The following MMP26 variants were observed in gnomAD, a reference collection of about 807,000 sequenced individuals.
MMP26 encodes matrix metalloproteinase-26.
Under a neutral mutation model 31.0 loss-of-function variants are expected in MMP26, and 33 were observed. The ratio of observed to expected loss-of-function variants is 1.06; its 90% CI spans 0.81 to 1.42. The LOEUF is 1.42. MMP26 is among the 40% of genes most tolerant of loss of function. The pLI is 0.00. For missense variants in MMP26, 347 were observed against 316.1 expected (o/e 1.10, Z -0.74); for synonymous variants, 122 against 114.9 (o/e 1.06, Z -0.40).
chr11:4,971,427 G>A (rs1400218949), intron 2 of MMP26, among the ~76,000 whole-genome samples: 1 of 152,094 alleles, frequency 6.6e-6, no homozygotes, highest in African/African-American at 2.4e-5. Flanking sequence ...AAACATTAAA[G>A]AAAAAATTAC....
At chr11:4,725,479 AG>A (rs200265773) in intron 1 of MMP26, among the ~76,000 whole-genome samples, 3,085 of 152,328 alleles carry the variant, frequency 0.02, 48 homozygotes, top group Non-Finnish European at 0.031. Flanking sequence ...AAGAACTGCC[AG>A]CTTTTGTTGT....
chr11:4,821,707 C>A (rs1280100112), intron 2 of MMP26: 2 of 1,613,898 alleles, frequency 1.2e-6, no homozygotes, highest in Non-Finnish European at 1.7e-6. Context: ...AGAAATCAAC[C>A]TAAATGCCTG....
chr11:4,859,669 G>A, intron 2 of MMP26: 1 of 469,358 alleles, frequency 2.1e-6, no homozygotes, highest in Admixed American at 2.4e-5. Flanking sequence ...AATTTGCTTG[G>A]TCTTCACACT....
chr11:4,784,308 A>G (rs1848905452), intron 2 of MMP26, among the ~76,000 whole-genome samples: 2 of 152,238 alleles, frequency 1.3e-5, no homozygotes, highest in South Asian at 4.1e-4. Context: ...CAAGTGCACA[A>G]GGAATCTGTA....
Position 4,953,946 on chromosome 11 carries a change from G to A in MMP26, c.-144-34122G>A, listed in dbSNP as rs115916471. Among the ~76,000 whole-genome samples, 854 of 125,436 alleles carry A rather than the reference G, an allele frequency of 6.8e-3. 170 individuals carry two copies. Among genetic ancestry groups the A allele is most frequent in the African/African-American group, 0.022 (828 of 36,838 alleles). 82.3% of individuals were successfully genotyped at this position (125,436 alleles called of 152,430 possible). On this transcript the variant is annotated intron_variant, in intron 2 of 7. Coordinates refer to ENST00000380390, the MANE Select transcript of MMP26 (RefSeq NM_021801.5). The stretch of plus-strand genomic sequence containing the variant: ...ATGCGCCTGTAATCCTAGATACTCG[G>A]GAGGCTGAGAGGCAAGAGAATCGCT...
At chr11:4,938,462 A>G (rs543759501) in intron 2 of MMP26, among the ~76,000 whole-genome samples, 1 of 152,118 alleles carries the variant, frequency 6.6e-6, no homozygotes, top group South Asian at 2.1e-4. Context: ...ACTGAAAAAA[A>G]AAAAAAGAAA....
intron 2 of MMP26, among the ~76,000 whole-genome samples, chr11:4,813,916 G>A (rs1028981643): frequency 2.0e-5 from 3 of 152,046 alleles, no homozygotes; most frequent in African/African-American, 7.2e-5. Context: ...CTGACAAAGA[G>A]AGCCCCGTAA....
chr11:4,802,147 A>G (rs1483081922), intron 2 of MMP26, among the ~76,000 whole-genome samples: 2 of 152,218 alleles, frequency 1.3e-5, no homozygotes, highest in Non-Finnish European at 2.9e-5. Flanking sequence ...TTTACTTACA[A>G]TCATGATAGA....
At chr11:4,716,901 G>T (rs553057789) in intron 1 of MMP26, among the ~76,000 whole-genome samples, 10 of 151,892 alleles carry the variant, frequency 6.6e-5, no homozygotes, top group Non-Finnish European at 1.0e-4. Context: ...GACCTCAGTT[G>T]ATCACCTGCC....
chr11:4,900,846 C>A (rs1850789731), intron 2 of MMP26, among the ~76,000 whole-genome samples: 1 of 152,142 alleles, frequency 6.6e-6, no homozygotes, highest in Non-Finnish European at 1.5e-5. Context: ...TTTGTGTATT[C>A]TTACATAGAA....
At chr11:4,976,424 G>T (rs761316285) in intron 2 of MMP26, among the ~76,000 whole-genome samples, 10 of 151,960 alleles carry the variant, frequency 6.6e-5, no homozygotes, top group Admixed American at 1.3e-4. Flanking sequence ...GCTTATTAAG[G>T]ATAAAATACC....
At chr11:4,760,951 T>C (rs1848563224) in intron 1 of MMP26, among the ~76,000 whole-genome samples, 1 of 152,252 alleles carries the variant, frequency 6.6e-6, no homozygotes, top group South Asian at 2.1e-4. Flanking sequence ...GTATAATTTT[T>C]GCTATGATTA....
intron 2 of MMP26, among the ~76,000 whole-genome samples, chr11:4,979,945 C>T (rs74054423): frequency 0.032 from 4,909 of 152,094 alleles, 284 homozygotes; most frequent in African/African-American, 0.11. Context: ...TATGTTAATT[C>T]TCATACCCTC....
At chr11:4,900,536 A>G (rs1850784931) in intron 2 of MMP26, among the ~76,000 whole-genome samples, 1 of 152,198 alleles carries the variant, frequency 6.6e-6, no homozygotes, top group Admixed American at 6.5e-5. Context: ...TCCTGCCACT[A>G]TAGCTACTTC....
chr11:4,767,163 T>A (rs887560343), intron 1 of MMP26, 107 bp from the exon 2 acceptor site: 1 of 152,202 alleles, frequency 6.6e-6, no homozygotes, highest in Non-Finnish European at 1.5e-5. Context: ...AAAGGGTTTG[T>A]GTTTCATAAT....
intron 2 of MMP26, among the ~76,000 whole-genome samples, chr11:4,897,208 C>T (rs1267014933): frequency 6.6e-6 from 1 of 152,038 alleles, no homozygotes. Flanking sequence ...GGCAGGATCT[C>T]GGCTCACTGC....
intron 1 of MMP26, among the ~76,000 whole-genome samples, chr11:4,725,639 C>G (rs1848088894): frequency 6.6e-6 from 1 of 152,136 alleles, no homozygotes; most frequent in South Asian, 2.1e-4. Flanking sequence ...AAGAGGACCA[C>G]TTTAGAGAAA....
chr11:4,894,267 AT>A (rs1850670254), intron 2 of MMP26, among the ~76,000 whole-genome samples: 1 of 152,194 alleles, frequency 6.6e-6, no homozygotes, highest in African/African-American at 2.4e-5. Flanking sequence ...TGATTTACAG[AT>A]TTGAAAACTG....
In MMP26 at chr11:4,803,507, G is replaced by A. The variant is rs776573037; in HGVS notation, c.-145+36166G>A. 1.7e-4 allele frequency: 282 copies of A among 1,613,898 alleles called. No homozygotes were observed. Among genetic ancestry groups the A allele is most frequent in the Non-Finnish European group, 2.3e-4 (277 of 1,179,928 alleles). On this transcript the variant is annotated intron_variant, in intron 2 of 7. Coordinates refer to ENST00000380390, the MANE Select transcript of MMP26 (RefSeq NM_021801.5). ...TTGGTTCTAACTCCATAAATGATGG[G>A]GTTGAGCATGGGAGGTATCAGTAGA...
Sources: allele counts gnomAD v4.1 joint callset (sites outside exome capture counted in the v4.1 genomes callset), GRCh38; gene constraint gnomAD v4.1.1; transcripts MANE v1.5; gene names NCBI Gene and HGNC (gene_info 2026-07-23, HGNC 2026-07-21).